The following CRYL1 variants were observed in gnomAD, a reference collection of about 807,000 sequenced individuals.
CRYL1 encodes the protein crystallin lambda 1.
Under a neutral mutation model 36.6 loss-of-function variants are expected in CRYL1, and 29 were observed. That is an observed-to-expected ratio of 0.79 (90% confidence interval 0.59 to 1.08). The LOEUF (loss-of-function observed/expected upper bound fraction) is 1.08, where lower values mean the gene tolerates loss of function less well. CRYL1 is among the 50% of genes least tolerant of loss of function. The pLI is 0.00. For missense variants in CRYL1, 411 were observed against 407.9 expected (o/e 1.01, Z -0.06); for synonymous variants, 152 against 151.5 (o/e 1.00, Z -0.02).
chr13:20,459,661 G>A (rs540275022), intron 3 of CRYL1, among the ~76,000 whole-genome samples: 2 of 152,234 alleles, frequency 1.3e-5, no homozygotes, highest in African/African-American at 4.8e-5. Flanking sequence ...AGTACACATA[G>A]ACACAAAGAG....
chr13:20,453,632 A>G (rs1223821914), intron 3 of CRYL1, among the ~76,000 whole-genome samples: 1 of 152,118 alleles, frequency 6.6e-6, no homozygotes, highest in Non-Finnish European at 1.5e-5. Context: ...CAAAGAAAGG[A>G]AGAAGAAAAC....
intron 3 of CRYL1, among the ~76,000 whole-genome samples, chr13:20,450,122 C>T (rs2032537750): frequency 6.6e-6 from 1 of 152,074 alleles, no homozygotes; most frequent in Admixed American, 6.5e-5. Context: ...CAAAATCGAG[C>T]CTGAACAAAA....
intron 3 of CRYL1, among the ~76,000 whole-genome samples, chr13:20,440,855 A>G (rs548033839): frequency 1.3e-5 from 2 of 152,328 alleles, no homozygotes; most frequent in East Asian, 3.9e-4. Context: ...AATGCTGCAG[A>G]TAACGACCGC....
At chr13:20,514,888 C>G (rs1156992758) in intron 1 of CRYL1, among the ~76,000 whole-genome samples, 1 of 150,890 alleles carries the variant, frequency 6.6e-6, no homozygotes, top group African/African-American at 2.4e-5. Flanking sequence ...AGGTATCTAC[C>G]CAACAGAAAT....
In CRYL1 at chr13:20,441,676, A is replaced by T. The variant is rs566334944; in HGVS notation, c.277-1922T>A. Among the ~76,000 whole-genome samples the T allele has an allele frequency of 3.0e-4, 46 of 152,356 alleles. 2 individuals carry two copies. The South Asian group carries it at 9.3e-3, about 31-fold the overall frequency. On this transcript the variant is annotated intron_variant, in intron 3 of 7. Coordinates refer to ENST00000298248, the MANE Select transcript of CRYL1 (RefSeq NM_015974.3). The stretch of plus-strand genomic sequence containing the variant: ...CTGAAGTACTGCTAGAAATTATATC[A>T]GAACCACCCTTCAAAAATAAATGTT...
chr13:20,434,989 T>G (rs2032176893), intron 4 of CRYL1, among the ~76,000 whole-genome samples: 1 of 152,062 alleles, frequency 6.6e-6, no homozygotes, highest in Non-Finnish European at 1.5e-5. Context: ...CCCAGAGCAA[T>G]CCGTGTTGTA....
intron 3 of CRYL1, among the ~76,000 whole-genome samples, chr13:20,442,257 C>A (rs898958912): frequency 6.6e-6 from 1 of 152,170 alleles, no homozygotes; most frequent in East Asian, 1.9e-4. Flanking sequence ...AGAGGAAACT[C>A]AAATCTGTTA....
intron 2 of CRYL1, among the ~76,000 whole-genome samples, chr13:20,500,365 GTGTT>G (rs111792669): frequency 2.0e-5 from 3 of 152,318 alleles, no homozygotes; most frequent in African/African-American, 7.2e-5. Context: ...TCATGGCAAT[GTGTT>G]TGTTTGCATA....
intron 3 of CRYL1, among the ~76,000 whole-genome samples, chr13:20,467,487 A>G (rs1430366342): frequency 6.6e-6 from 1 of 152,030 alleles, no homozygotes; most frequent in African/African-American, 2.4e-5. Flanking sequence ...GAGTTTTTGT[A>G]TGTCTAAAAT....
intron 5 of CRYL1, chr13:20,426,741 A>G: frequency 1.0e-6 from 1 of 985,384 alleles, no homozygotes; most frequent in African/African-American, 1.7e-5. Flanking sequence ...ACACTTCATT[A>G]ACTAAAACAA....
At chr13:20,462,662 C>G (rs899183215) in intron 3 of CRYL1, among the ~76,000 whole-genome samples, 2 of 151,458 alleles carry the variant, frequency 1.3e-5, no homozygotes, top group African/African-American at 4.9e-5. Context: ...AAGCTCTCAT[C>G]GGAAGGGCAG....
At chr13:20,409,345 C>T (rs1008816718) in intron 6 of CRYL1, among the ~76,000 whole-genome samples, 3 of 151,830 alleles carry the variant, frequency 2.0e-5, no homozygotes, top group East Asian at 3.9e-4. Flanking sequence ...ATACAAAAAT[C>T]AATTCAAGAT....
intron 2 of CRYL1, among the ~76,000 whole-genome samples, chr13:20,498,157 T>C (rs2033645473): frequency 6.9e-6 from 1 of 144,268 alleles, no homozygotes; most frequent in South Asian, 2.2e-4. Context: ...TACACCACCA[T>C]ACACACTACA....
At chr13:20,504,734 T>C (rs1023181129) in intron 2 of CRYL1, among the ~76,000 whole-genome samples, 2 of 152,206 alleles carry the variant, frequency 1.3e-5, no homozygotes, top group Non-Finnish European at 2.9e-5. Context: ...TATTATGAAA[T>C]GTAAACATGC....
chr13:20,451,837 C>T (rs2032577339), intron 3 of CRYL1, among the ~76,000 whole-genome samples: 1 of 152,126 alleles, frequency 6.6e-6, no homozygotes, highest in Admixed American at 6.5e-5. Flanking sequence ...CTTGCACTTT[C>T]ATCACAGTAT....
intron 3 of CRYL1, among the ~76,000 whole-genome samples, chr13:20,467,977 G>A (rs1249849357): frequency 3.3e-5 from 5 of 152,076 alleles, no homozygotes; most frequent in Non-Finnish European, 5.9e-5. Context: ...TCACACTTAA[G>A]GGATCTAGGT....
At chr13:20,408,652 G>A (rs548436445) in intron 6 of CRYL1, among the ~76,000 whole-genome samples, 1 of 152,274 alleles carries the variant, frequency 6.6e-6, no homozygotes, top group South Asian at 2.1e-4. Flanking sequence ...AGACTTTGCT[G>A]AAGTTGCTTA....
chr13:20,406,231 T>C (rs951482523), intron 6 of CRYL1: 1 of 152,092 alleles, frequency 6.6e-6, no homozygotes, highest in Non-Finnish European at 1.5e-5. Context: ...TAAGTTAAAA[T>C]ACGAACCATC....
chr13:20,501,703 G>A (rs2137491804), intron 2 of CRYL1, among the ~76,000 whole-genome samples: 1 of 152,354 alleles, frequency 6.6e-6, no homozygotes, highest in East Asian at 1.9e-4. Flanking sequence ...AGAACAGAGA[G>A]CAGTGAGGAA....
Sources: allele counts gnomAD v4.1 joint callset (sites outside exome capture counted in the v4.1 genomes callset), GRCh38; gene constraint gnomAD v4.1.1; transcripts MANE v1.5; gene names NCBI Gene and HGNC (gene_info 2026-07-23, HGNC 2026-07-21).